Variants in PARD3B observed in about 807,000 individuals in gnomAD.
PARD3B encodes partitioning defective 3 homolog B.
Under a neutral mutation model 130.2 loss-of-function variants are expected in PARD3B, and 103 were observed. The ratio of observed to expected loss-of-function variants is 0.79; its 90% CI spans 0.67 to 0.93. PARD3B has a LOEUF of 0.93. Ranked by LOEUF, PARD3B falls within the 40% of genes least tolerant of loss-of-function variation. The pLI is 0.00. For synonymous variants in PARD3B, 583 were observed against 553.2 expected (o/e 1.05, Z -0.76); for missense variants, 1,609 against 1,499.2 (o/e 1.07, Z -1.21).
At chr2:205,037,155 A>C (rs1698017107) in intron 3 of PARD3B, among the ~76,000 whole-genome samples, 1 of 147,022 alleles carries the variant, frequency 6.8e-6, no homozygotes, top group Admixed American at 6.9e-5. Flanking sequence ...ATATAAAACA[A>C]ATATACATAT....
intron 3 of PARD3B, among the ~76,000 whole-genome samples, chr2:204,966,957 T>G (rs1691311418): frequency 6.6e-6 from 1 of 152,160 alleles, no homozygotes; most frequent in African/African-American, 2.4e-5. Context: ...ACAGAGAAGT[T>G]TAGTAACTCA....
At chr2:205,456,904 GTAT>G (rs2048295879) in intron 20 of PARD3B, among the ~76,000 whole-genome samples, 1 of 149,092 alleles carries the variant, frequency 6.7e-6, no homozygotes, top group East Asian at 1.9e-4. Flanking sequence ...ATTTAATATT[GTAT>G]TATGAAATAA....
chr2:205,009,759 C>CT (rs1057227005), intron 3 of PARD3B, among the ~76,000 whole-genome samples: 4 of 151,650 alleles, frequency 2.6e-5, no homozygotes, highest in Admixed American at 2.6e-4. Context: ...ATTGTAACAT[C>CT]TTTTTTGTTC....
chr2:205,073,194 G>A (rs1009944287), intron 4 of PARD3B, among the ~76,000 whole-genome samples: 12 of 152,034 alleles, frequency 7.9e-5, no homozygotes, highest in African/African-American at 2.4e-4. Context: ...ATTAAAGTGG[G>A]CCACTTAAAA....
intron 16 of PARD3B, among the ~76,000 whole-genome samples, chr2:205,255,006 C>T (rs2040017763): frequency 6.6e-6 from 1 of 152,078 alleles, no homozygotes; most frequent in Admixed American, 6.5e-5. Context: ...GCTTCCATCA[C>T]CTTGTCATGA....
At chr2:204,816,344 T>A (rs536997766) in intron 2 of PARD3B, among the ~76,000 whole-genome samples, 15 of 151,954 alleles carry the variant, frequency 9.9e-5, no homozygotes, top group Non-Finnish European at 1.8e-4. Flanking sequence ...AATCCGATGC[T>A]CTTCTTCTTT....
intron 1 of PARD3B, among the ~76,000 whole-genome samples, chr2:204,657,009 A>T (rs1267915805): frequency 6.6e-6 from 1 of 152,158 alleles, no homozygotes; most frequent in African/African-American, 2.4e-5. Context: ...CCTTGGTCTT[A>T]TTTGTAATTT....
chr2:204,876,183 T>C (rs1414177439), intron 2 of PARD3B, among the ~76,000 whole-genome samples: 3 of 152,204 alleles, frequency 2.0e-5, no homozygotes, highest in African/African-American at 4.8e-5. Context: ...ACATACTGTA[T>C]TCAGTACTCA....
intron 3 of PARD3B, among the ~76,000 whole-genome samples, chr2:205,008,671 T>C (rs879539091): frequency 6.6e-6 from 1 of 152,168 alleles, no homozygotes; most frequent in Non-Finnish European, 1.5e-5. Context: ...AATCTTTAAG[T>C]ATAGAACAGG....
chr2:204,599,896 A>G (rs1020685909), intron 1 of PARD3B, among the ~76,000 whole-genome samples: 11 of 151,876 alleles, frequency 7.2e-5, no homozygotes, highest in East Asian at 3.9e-4. Flanking sequence ...CTGGGGTGAC[A>G]TGATATCTCA....
chr2:205,104,305 A>G lies in PARD3B; in HGVS notation c.505-121A>G, dbSNP rs991275083. The G allele has an allele frequency of 3.1e-5, 20 of 651,252 alleles. No individual in the cohort carries two copies. The East Asian group carries it at 5.1e-4, about 17-fold the overall frequency. 40.3% of individuals were successfully genotyped at this position (651,252 alleles called of 1,614,324 possible). On this transcript the variant is annotated intron_variant, in intron 4 of 22. Transcript: ENST00000406610. ...ACACCTGCTTCCAGTTTTCAAAGAA[A>G]TTAGAGCATACTGTATATATCCAGC...
At chr2:204,882,810 A>C (rs984864010) in intron 2 of PARD3B, among the ~76,000 whole-genome samples, 12 of 152,326 alleles carry the variant, frequency 7.9e-5, no homozygotes, top group Non-Finnish European at 1.8e-4. Flanking sequence ...ATGAATCTCT[A>C]ATAAAGGTTT....
In PARD3B at chr2:204,807,720, A is replaced by C. The variant is rs147606993; in HGVS notation, c.222+121438A>C. ...GAACTGGAGGACATTGTGTTAAGTGAAATAAGCCAGGCATACAAAGTTAAA... is the reference window on the plus strand; with the variant it reads ...GAACTGGAGGACATTGTGTTAAGTGCAATAAGCCAGGCATACAAAGTTAAA... On this transcript the variant is annotated intron_variant, in intron 2 of 22. Transcript: ENST00000406610. Among the ~76,000 whole-genome samples, 423 of 152,250 alleles carry C rather than the reference A, an allele frequency of 2.8e-3. 1 individual carries two copies. Among genetic ancestry groups the C allele is most frequent in the African/African-American group, 9.6e-3 (399 of 41,530 alleles).
rs115296896 is a variant in PARD3B at position 204,922,968 on chromosome 2, G to C, written c.223-42184G>C. On this transcript the variant is annotated intron_variant, in intron 2 of 22. Transcript: ENST00000406610. ...GTTCCAAAACTATGGTGCATATACAGCTTAGTTGTAGGACTCCATTTATTG... is the reference window on the plus strand; with the variant it reads ...GTTCCAAAACTATGGTGCATATACACCTTAGTTGTAGGACTCCATTTATTG... Among the ~76,000 whole-genome samples the C allele has an allele frequency of 2.4e-3, 359 of 152,208 alleles. 5 individuals are homozygous for C. Among genetic ancestry groups the C allele is most frequent in the African/African-American group, 8.3e-3 (346 of 41,552 alleles).
At chr2:205,387,537 G>A (rs1215575339) in intron 18 of PARD3B, among the ~76,000 whole-genome samples, 1 of 152,142 alleles carries the variant, frequency 6.6e-6, no homozygotes, top group African/African-American at 2.4e-5. Flanking sequence ...AGTAGGATGG[G>A]TCCTGGAGAG....
At chr2:204,895,623 A>G (rs1363088018) in intron 2 of PARD3B, among the ~76,000 whole-genome samples, 1 of 152,140 alleles carries the variant, frequency 6.6e-6, no homozygotes, top group African/African-American at 2.4e-5. Context: ...ATGCAAATAA[A>G]TGTTTTCAAA....
At chr2:205,096,982 C>T (rs1286572376) in intron 4 of PARD3B, among the ~76,000 whole-genome samples, 4 of 152,082 alleles carry the variant, frequency 2.6e-5, no homozygotes, top group African/African-American at 7.2e-5. Flanking sequence ...AAGGTAAATA[C>T]AGTTAATGTG....
chr2:204,655,896 C>G (rs556272287), intron 1 of PARD3B, among the ~76,000 whole-genome samples: 9 of 152,212 alleles, frequency 5.9e-5, no homozygotes, highest in African/African-American at 2.2e-4. Flanking sequence ...TTTGTCTCAG[C>G]TGATCTTGTC....
At chr2:204,627,542 A>G (rs1271878848) in intron 1 of PARD3B, among the ~76,000 whole-genome samples, 1 of 152,162 alleles carries the variant, frequency 6.6e-6, no homozygotes, top group East Asian at 1.9e-4. Flanking sequence ...CCTTCTCCCA[A>G]AAACAAGTTA....
Sources: gnomAD v4.1 joint callset for allele counts (sites outside exome capture counted in the v4.1 genomes callset) on GRCh38, gnomAD v4.1.1 for gene constraint, MANE v1.5 for transcripts, NCBI Gene and HGNC (gene_info 2026-07-23, HGNC 2026-07-21) for gene names.